The following TRPM5 variants were observed in gnomAD, a reference collection of about 807,000 sequenced individuals.
TRPM5 encodes the protein MLSN1 and TRP-related.
In TRPM5, 121 loss-of-function variants were observed where a neutral mutation model predicts 124.9. The ratio of observed to expected loss-of-function variants is 0.97; its 90% CI spans 0.84 to 1.13. TRPM5 has a LOEUF of 1.13. Ranked by LOEUF, TRPM5 falls within the 50% of genes most tolerant of loss-of-function variation. The pLI, the probability that TRPM5 is intolerant of heterozygous loss-of-function variation, is 0.00. For missense variants in TRPM5, 1,643 were observed against 1,589.1 expected, an observed-to-expected ratio of 1.03 and a Z score of -0.58; for synonymous variants, 781 against 700.5, an observed-to-expected ratio of 1.11 and a Z score of -1.81.
At position 2,415,114 on chromosome 11, in the gene TRPM5, C is replaced by T. The variant is rs368741297; in HGVS notation, c.1479+7G>A. On this transcript the variant is annotated splice_region_variant and intron_variant, in intron 9 of 23. Coordinates refer to ENST00000155858, the Ensembl canonical transcript of TRPM5. ...TCGCCCTCCATCCCCACGGAGCCCC[C>T]GCTCACCGCCCTCCTGCGGTCCCCT... is the stretch of plus-strand genomic sequence containing the variant. The T allele has an allele frequency of 6.4e-5, 101 of 1,568,208 alleles. No individual in the cohort carries two copies. Among genetic ancestry groups the T allele is most frequent in the South Asian group, 2.3e-4 (20 of 86,466 alleles).
chr11:2,413,285 C>A, intron 13 of TRPM5, 59 bp from the exon 19 acceptor site: 1 of 1,457,888 alleles, frequency 6.9e-7, no homozygotes. Flanking sequence ...GCCTGCCTGG[C>A]TCCAGGCGCT....
chr11:2,408,846 C>A (rs987585267), intron 18 of TRPM5, among the ~76,000 whole-genome samples: 5 of 152,254 alleles, frequency 3.3e-5, no homozygotes, highest in African/African-American at 7.2e-5. Flanking sequence ...TCTCCTCCCT[C>A]CCCAGCCTGC....
chr11:2,434,489 CG>C, the TRPM5 span, among the ~76,000 whole-genome samples: 13 of 140,128 alleles, frequency 9.3e-5, no homozygotes, highest in African/African-American at 3.5e-4. Flanking sequence ...TGTGTATAGC[CG>C]CACTGTGTGT....
chr11:2,410,864 T>G (rs922781672), intron 18 of TRPM5, among the ~76,000 whole-genome samples: 4 of 151,912 alleles, frequency 2.6e-5, no homozygotes, highest in Non-Finnish European at 5.9e-5. Context: ...GCGTAGGGGC[T>G]CTGGTGGGTG....
intron 7 of TRPM5, among the ~76,000 whole-genome samples, chr11:2,416,285 G>GGGGGA (rs1845676137): frequency 6.6e-6 from 1 of 152,186 alleles, no homozygotes; most frequent in Non-Finnish European, 1.5e-5. Flanking sequence ...CGGCTGCAAC[G>GGGGGA]GGGGTACCCC....
At chr11:2,433,965 G>A in the TRPM5 span, among the ~76,000 whole-genome samples, 27 of 152,202 alleles carry the variant, frequency 1.8e-4, no homozygotes, top group Non-Finnish European at 3.1e-4. Context: ...TGTGTGTGTA[G>A]GTGGACTGTA....
upstream of TRPM5, chr11:2,423,105 C>T: frequency 2.3e-6 from 3 of 1,306,376 alleles, no homozygotes; most frequent in African/African-American, 1.5e-5. Context: ...CACCTCCCTC[C>T]CCTCAGGGGG....
At chr11:2,433,765 G>A in the TRPM5 span, among the ~76,000 whole-genome samples, 45 of 152,374 alleles carry the variant, frequency 3.0e-4, no homozygotes, top group African/African-American at 9.9e-4. Flanking sequence ...GTCACTGTGC[G>A]CACATGGTGT....
chr11:2,411,288 C>T (rs1850445714), intron 18 of TRPM5, 64 bp downstream of exon 23: 2 of 1,471,002 alleles, frequency 1.4e-6, no homozygotes, highest in Non-Finnish European at 1.8e-6. Flanking sequence ...GCCTCATGCC[C>T]AGGGCTTGTG....
intron 19 of TRPM5, 109 bp from the exon 25 acceptor site, chr11:2,407,409 C>T: frequency 1.8e-6 from 2 of 1,096,646 alleles, no homozygotes; most frequent in Middle Eastern, 2.9e-4. Flanking sequence ...AAACTGAGGC[C>T]CAGCACTGCT....
chr11:2,420,421 G>A lies in TRPM5; in HGVS notation c.466-16C>T. The A allele has an allele frequency of 1.9e-6, 3 of 1,592,638 alleles. No homozygotes were observed. Among genetic ancestry groups the A allele is most frequent in the Non-Finnish European group, 2.6e-6 (3 of 1,166,198 alleles). ...GAAAATCCTCCTGCGCCCATGCAGG[G>A]AGACGAGGCTGAGCCCTCGAGAGGC... On this transcript the variant is annotated splice_polypyrimidine_tract_variant and intron_variant, in intron 3 of 23. Coordinates refer to ENST00000155858, the Ensembl canonical transcript of TRPM5.
chr11:2,424,334 T>C (rs755781687), upstream of TRPM5, among the ~76,000 whole-genome samples: 9 of 152,168 alleles, frequency 5.9e-5, no homozygotes, highest in Non-Finnish European at 1.3e-4. Flanking sequence ...GGGGCTGGCT[T>C]TGGGGCAGAG....
chr11:2,412,338 A>AGGATCAGGGTTCAGCGTGCCCTGG (rs60397029), intron 15 of TRPM5, 85 bp from the exon 21 acceptor site: 2 of 1,018,566 alleles, frequency 2.0e-6, no homozygotes, highest in South Asian at 1.3e-5. Flanking sequence ...TGGATCTGTA[A>AGGATCAGGGTTCAGCGTGCCCTGG]GGATCAGGGT....
chr11:2,413,282 T>TTGCAGAG (rs1214562321), intron 13 of TRPM5, 56 bp from the exon 19 acceptor site: 26 of 1,466,156 alleles, frequency 1.8e-5, no homozygotes, highest in Non-Finnish European at 2.3e-5. Flanking sequence ...GGCGCCTGCC[T>TTGCAGAG]GGCTCCAGGC....
rs772206472 is a variant in TRPM5 at position 2,421,181 on chromosome 11, T to C, written c.316A>G (p.Ser106Gly). 99 of 1,540,078 alleles carry C rather than the reference T, an allele frequency of 6.4e-5. No individual in the cohort carries two copies. Among genetic ancestry groups the C allele is most frequent in the Admixed American group, 1.0e-4 (5 of 50,112 alleles). The change falls in exon 3 of 24, where the codon AGT becomes GGT. Residue 106 changes from serine to glycine, a missense_variant. Coordinates refer to ENST00000155858, the Ensembl canonical transcript of TRPM5. The stretch of plus-strand genomic sequence containing the variant: ...CTGGCCAGGCCCACGCGGAGGGCAC[T>C]GGTCAGGATCCAGGCTCCTGTGGGG...
At chr11:2,405,629 C>T in intron 22 of TRPM5, 36 bp from the exon 28 acceptor site, 4 of 1,550,126 alleles carry the variant, frequency 2.6e-6, no homozygotes, top group Non-Finnish European at 3.5e-6. Flanking sequence ...AGCTCCAGGG[C>T]TCTCTCAGGA....
chr11:2,432,746 G>T, the TRPM5 span, among the ~76,000 whole-genome samples: 1 of 152,240 alleles, frequency 6.6e-6, no homozygotes, highest in Non-Finnish European at 1.5e-5. Flanking sequence ...CTGGCCCAGG[G>T]TCCCCATGCC....
intron 5 of TRPM5, 82 bp downstream of exon 10, chr11:2,418,445 G>A (rs924189759): frequency 1.1e-4 from 161 of 1,495,868 alleles, no homozygotes; most frequent in Admixed American, 5.8e-4. Context: ...CATCCCTTCA[G>A]CCCTGTCCCA....
chr11:2,422,823 A>G, intron 1 of TRPM5, 97 bp downstream of exon 6: 1 of 1,050,108 alleles, frequency 9.5e-7, no homozygotes, highest in Non-Finnish European at 1.5e-6. Context: ...CCCAGGGGTG[A>G]GGAGGACCCT....
Sources: allele counts gnomAD v4.1 joint callset (sites outside exome capture counted in the v4.1 genomes callset), GRCh38; gene constraint gnomAD v4.1.1; transcripts MANE v1.5; gene names NCBI Gene and HGNC (gene_info 2026-07-23, HGNC 2026-07-21).